RBCK1: variants seen among roughly 807,000 people sequenced by gnomAD.
RBCK1 encodes RANBP2-type and C3HC4-type zinc finger containing 1, also known as ranBP-type and C3HC4-type zinc finger-containing protein 1.
RBCK1 carries 44 observed loss-of-function variants against 71.1 expected under a neutral mutation model. The ratio of observed to expected loss-of-function variants is 0.62; its 90% CI spans 0.49 to 0.80. RBCK1 has a LOEUF of 0.80. Among genes scored for constraint, RBCK1 ranks in the 30% least tolerant of loss-of-function variants. RBCK1 has a pLI of 0.00. For synonymous variants in RBCK1, 306 were observed against 279.7 expected (o/e 1.09, Z -0.94); for missense variants, 569 against 685.0 (o/e 0.83, Z 1.89).
chr20:431,980 C>T lies in RBCK1; in HGVS notation c.*1550C>T, dbSNP rs2017027048. On this transcript the variant is annotated 3_prime_UTR_variant, in exon 12 of 12. Transcript: ENST00000356286. This position sits in a 1 kb window ranked among gnomAD's most constrained non-coding sequence, Gnocchi z 4.8. ...GCCTGGCCTGGTGTCTCTCAGGAGC[C>T]TGGGCATGAGACAAAAGCAGAGATT... Among the ~76,000 whole-genome samples the T allele has an allele frequency of 6.6e-6, 1 of 152,234 alleles. No homozygotes were observed. Among genetic ancestry groups the T allele is most frequent in the African/African-American group, 2.4e-5 (1 of 41,470 alleles).
At position 410,490 on chromosome 20, in the gene RBCK1, C is replaced by T. The variant is rs768587494; in HGVS notation, c.167+465C>T. On this transcript the variant is annotated intron_variant, in intron 2 of 11. Transcript: ENST00000356286. ...GGAGGAAGGGAAGAAAGACACCCCT[C>T]CACACTCTTCTAAAGAGCATAGCTC... The T allele has an allele frequency of 1.7e-5, 13 of 779,806 alleles. No individual in the cohort carries two copies. The South Asian group carries it at 1.7e-4, about 10-fold the overall frequency. 48.3% of individuals were successfully genotyped at this position (779,806 alleles called of 1,614,324 possible).
chr20:424,233 TCGAG>T (rs2016587402), intron 8 of RBCK1, among the ~76,000 whole-genome samples: 1 of 152,238 alleles, frequency 6.6e-6, no homozygotes, highest in South Asian at 2.1e-4. Context: ...GCTGGTGATC[TCGAG>T]CAAGTTGTTT....
intron 6 of RBCK1, chr20:420,449 C>A: frequency 1.0e-6 from 1 of 955,058 alleles, no homozygotes; most frequent in Non-Finnish European, 1.2e-6. Context: ...TCGTCACTTC[C>A]CCACCCCTGA....
intron 2 of RBCK1, among the ~76,000 whole-genome samples, chr20:415,336 C>A (rs756372483): frequency 4.0e-5 from 6 of 151,098 alleles, no homozygotes; most frequent in African/African-American, 1.5e-4. Flanking sequence ...CCACTACACT[C>A]CATCCTGGGT....
chr20:409,884 A>G lies in RBCK1; in HGVS notation c.26A>G (p.Glu9Gly). 2 of 1,613,648 alleles carry G rather than the reference A, an allele frequency of 1.2e-6. No homozygotes were observed. The highest frequency in any genetic ancestry group is 2.7e-5 in the African/African-American group (2 of 75,014). MDEKTKKA[E>G]EMALSLTRAV... Reference sequence around the variant, plus strand: ...CTCCTGCTGTACTGGCTTTCAGCAGAGGAAATGGCCCTGAGCCTCACCCGA... The same window carrying G: ...CTCCTGCTGTACTGGCTTTCAGCAGGGGAAATGGCCCTGAGCCTCACCCGA... Residue 9 changes from glutamate to glycine, a missense_variant, in exon 2 of 12, where the codon GAG becomes GGG. This residue lies in a region of RBCK1 where 358 missense variants were observed against 375.6 expected (regional missense o/e 0.95). Coordinates refer to ENST00000356286, the MANE Select transcript of RBCK1 (RefSeq NM_031229.4).
intron 8 of RBCK1, among the ~76,000 whole-genome samples, chr20:425,607 A>T (rs1398906265): frequency 6.7e-6 from 1 of 148,590 alleles, no homozygotes; most frequent in East Asian, 2.0e-4. Context: ...CCTTCAAGGA[A>T]TGTTTTGCAT....
intron 8 of RBCK1, among the ~76,000 whole-genome samples, chr20:425,960 TAAA>T: frequency 6.6e-6 from 1 of 152,318 alleles, no homozygotes; most frequent in Non-Finnish European, 1.5e-5. Context: ...GGGATAAAGT[TAAA>T]GAAGTGGGAT....
Position 408,393 on chromosome 20 carries a change from A to T in RBCK1, c.-365A>T. ...GCTTTGCCTTGAAACCCGGGACGCC[A>T]GGGGCGCTCCCGCAAGTGGGGGTCC... On this transcript the variant is annotated 5_prime_UTR_variant, in exon 1 of 12. Coordinates refer to ENST00000356286, the MANE Select transcript of RBCK1 (RefSeq NM_031229.4). The T allele has an allele frequency of 4.8e-6, 2 of 413,658 alleles. No individual in the cohort carries two copies. The highest frequency in any genetic ancestry group is 8.7e-6 in the Non-Finnish European group (2 of 229,256). The allele number at this position is 413,658 out of a possible 1,614,324, so 25.6% of individuals were successfully genotyped here.
chr20:422,298 A>G lies in RBCK1; in HGVS notation c.1029+60A>G. The G allele has an allele frequency of 7.6e-7, 1 of 1,321,994 alleles. No homozygotes were observed. Among genetic ancestry groups the G allele is most frequent in the Non-Finnish European group, 1.1e-6 (1 of 930,340 alleles). The allele number at this position is 1,321,994 out of a possible 1,614,324, so 81.9% of individuals were successfully genotyped here. A position where few individuals can be genotyped will look rare whatever the true frequency, so the allele number is the denominator to read the frequency against. ...CCAACTCCTAAGGAACTGGGCCCTG[A>G]GCAGGCAGCAGACATCTTTCTTTTC... On this transcript the variant is annotated intron_variant, in intron 8 of 11. Coordinates refer to ENST00000356286, the MANE Select transcript of RBCK1 (RefSeq NM_031229.4). The surrounding 1 kb of genome is among the most constrained non-coding windows in gnomAD (Gnocchi z 5.0).
rs911117142 is a variant in RBCK1 at position 429,017 on chromosome 20, G to A, written c.1375G>A (p.Gly459Ser). Residue 459 changes from glycine to serine, a missense_variant, in exon 11 of 12, where the codon GGC (glycine) becomes AGC (serine). This residue lies in a region of RBCK1 where 211 missense variants were observed against 309.4 expected (regional missense o/e 0.68). Transcript: ENST00000356286. ...QCQIVVQKKD[G>S]CDWIRCTVCH... ...CCAGATCGTGGTACAGAAGAAGGACGGCTGCGACTGGATCCGCTGCACCGT... is the reference window on the plus strand; with the variant it reads ...CCAGATCGTGGTACAGAAGAAGGACAGCTGCGACTGGATCCGCTGCACCGT... 3.1e-6 allele frequency: 5 copies of A among 1,612,264 alleles called. No homozygotes were observed. The highest frequency in any genetic ancestry group is 4.2e-6 in the Non-Finnish European group (5 of 1,179,934).
intron 8 of RBCK1, among the ~76,000 whole-genome samples, chr20:423,381 C>T (rs1305531107): frequency 6.6e-6 from 1 of 152,152 alleles, no homozygotes; most frequent in Non-Finnish European, 1.5e-5. Context: ...TGTAACAAAT[C>T]ACTGCAGGCT....
chr20:424,717 A>G (rs962655017), intron 8 of RBCK1, among the ~76,000 whole-genome samples: 3 of 152,134 alleles, frequency 2.0e-5, no homozygotes, highest in Non-Finnish European at 2.9e-5. Flanking sequence ...TTCCCTGTGG[A>G]GTCCACCCCA....
At chr20:427,616 T>C (rs2016803014) in intron 9 of RBCK1, 124 bp downstream of exon 9, 1 of 1,034,766 alleles carries the variant, frequency 9.7e-7, no homozygotes, top group Non-Finnish European at 1.4e-6. Flanking sequence ...GACTTAGAGC[T>C]ACATGTCAGT....
chr20:428,427 C>A lies in RBCK1; in HGVS notation c.1210-64C>A. On this transcript the variant is annotated intron_variant, in intron 9 of 11. Transcript: ENST00000356286. This position sits in a 1 kb window ranked among gnomAD's most constrained non-coding sequence, Gnocchi z 5.7. ...CTTTGTGGACTCCTGCCCTGCACCT[C>A]ACCTCTCCCAGCTTCTTAACCCCCT... is the stretch of plus-strand genomic sequence containing the variant. The A allele has an allele frequency of 8.1e-7, 1 of 1,240,756 alleles. No individual in the cohort carries two copies. Among genetic ancestry groups the A allele is most frequent in the East Asian group, 2.6e-5 (1 of 38,554 alleles). 76.9% of individuals were successfully genotyped at this position (1,240,756 alleles called of 1,614,324 possible).
chr20:420,280 C>G (rs1166166725), intron 6 of RBCK1: 1 of 984,906 alleles, frequency 1.0e-6, no homozygotes, highest in Non-Finnish European at 1.2e-6. Flanking sequence ...TACGCCTTAG[C>G]CCTACCCCGC....
intron 2 of RBCK1, among the ~76,000 whole-genome samples, chr20:413,917 CA>C (rs10706664): frequency 0.43 from 49,381 of 114,164 alleles, 8,953 homozygotes; most frequent in Middle Eastern, 0.47. Context: ...GACAAATCAC[CA>C]AAAAAAAAAA....
intron 8 of RBCK1, among the ~76,000 whole-genome samples, chr20:425,263 G>A (rs1454830348): frequency 2.0e-5 from 3 of 152,208 alleles, no homozygotes; most frequent in East Asian, 1.9e-4. Flanking sequence ...CACCCACCTC[G>A]GCCTCCCAAA....
Position 430,600 on chromosome 20 carries a change from G to C in RBCK1, c.*170G>C. ...CCCCAGTGCCTTTGTCCTTCCCTTG[G>C]GGCTTGCCGGCCAGACTTCTCTCCC... On this transcript the variant is annotated 3_prime_UTR_variant, in exon 12 of 12. Transcript: ENST00000356286. The surrounding 1 kb of genome is among the most constrained non-coding windows in gnomAD (Gnocchi z 5.6). The C allele has an allele frequency of 1.5e-6, 1 of 666,488 alleles. No individual in the cohort carries two copies. The allele number at this position is 666,488 out of a possible 1,614,324, so 41.3% of individuals were successfully genotyped here.
At chr20:429,953 A>G (rs1215259147) in intron 11 of RBCK1, among the ~76,000 whole-genome samples, 1 of 152,182 alleles carries the variant, frequency 6.6e-6, no homozygotes, top group African/African-American at 2.4e-5. Context: ...TTGCAAGAGA[A>G]GTGCTTAGAG....
Sources: allele counts gnomAD v4.1 joint callset (sites outside exome capture counted in the v4.1 genomes callset), GRCh38; gene constraint gnomAD v4.1.1; regional missense constraint gnomAD v4.1.1; non-coding constraint Gnocchi (gnomAD v3.1); transcripts MANE v1.5; gene names NCBI Gene and HGNC (gene_info 2026-07-23, HGNC 2026-07-21).